GRIK2: variants seen among roughly 807,000 people sequenced by gnomAD.
GRIK2 encodes the protein glutamate receptor ionotropic, kainate 2.
A neutral mutation model predicts 100.3 loss-of-function variants in GRIK2; 32 were observed. The observed-to-expected ratio is 0.32, with a 90% CI of 0.24 to 0.43. The LOEUF (loss-of-function observed/expected upper bound fraction) is 0.43. GRIK2 is among the 20% of genes least tolerant of loss of function. The pLI is 1.00. For missense variants in GRIK2, 843 were observed against 1,114.9 expected (o/e 0.76, Z 3.47); for synonymous variants, 417 against 389.4 (o/e 1.07, Z -0.83).
intron 4 of GRIK2, among the ~76,000 whole-genome samples, chr6:101,632,797 A>C (rs1780825788): frequency 6.6e-6 from 1 of 151,998 alleles, no homozygotes; most frequent in South Asian, 2.1e-4. Flanking sequence ...ATAACACTAC[A>C]CTCTAGTGTA....
At chr6:101,845,028 TGTC>T (rs1399040469) in intron 10 of GRIK2, among the ~76,000 whole-genome samples, 2 of 151,782 alleles carry the variant, frequency 1.3e-5, no homozygotes, top group Non-Finnish European at 2.9e-5. Context: ...TTGTTGTTGT[TGTC>T]GTTTTGAGAC....
At chr6:101,649,124 A>G (rs546759720) in intron 4 of GRIK2, among the ~76,000 whole-genome samples, 30 of 152,088 alleles carry the variant, frequency 2.0e-4, no homozygotes, top group Non-Finnish European at 3.2e-4. Flanking sequence ...AAATGTTCTG[A>G]GTACTTACCA....
At chr6:102,067,148 G>A (rs1221020406) in intron 16 of GRIK2, among the ~76,000 whole-genome samples, 1 of 151,628 alleles carries the variant, frequency 6.6e-6, no homozygotes, top group Admixed American at 6.6e-5. Flanking sequence ...ATATAAAATT[G>A]TATGTATATA....
chr6:101,409,280 T>A (rs1775754637), intron 2 of GRIK2, among the ~76,000 whole-genome samples: 1 of 152,046 alleles, frequency 6.6e-6, no homozygotes, highest in African/African-American at 2.4e-5. Context: ...CTAGACAGGT[T>A]TGCAGCCTAG....
At chr6:101,801,734 G>C (rs1780683658) in intron 8 of GRIK2, among the ~76,000 whole-genome samples, 1 of 151,770 alleles carries the variant, frequency 6.6e-6, no homozygotes, top group Non-Finnish European at 1.5e-5. Flanking sequence ...TCACCTTTTA[G>C]GGTTGAACAT....
intron 14 of GRIK2, among the ~76,000 whole-genome samples, chr6:102,032,203 A>T (rs1770036145): frequency 6.6e-6 from 1 of 151,302 alleles, no homozygotes; most frequent in African/African-American, 2.4e-5. Context: ...AGACTGGAAG[A>T]TAGAGATGCC....
chr6:101,484,779 T>G (rs1772728838), intron 2 of GRIK2, among the ~76,000 whole-genome samples: 1 of 152,194 alleles, frequency 6.6e-6, no homozygotes. Flanking sequence ...TAGATTTTTT[T>G]CAATGATTCC....
At chr6:101,749,786 C>G (rs959330439) in intron 7 of GRIK2, among the ~76,000 whole-genome samples, 5 of 144,780 alleles carry the variant, frequency 3.5e-5, no homozygotes, top group African/African-American at 1.3e-4. Context: ...TTACTGAAAA[C>G]TTGTGTGTGC....
intron 2 of GRIK2, among the ~76,000 whole-genome samples, chr6:101,515,023 TTA>T (rs1774513454): frequency 6.6e-6 from 1 of 152,076 alleles, no homozygotes; most frequent in Admixed American, 6.6e-5. Flanking sequence ...TGCATCATAT[TTA>T]TAGTCTTTTA....
At chr6:102,046,069 A>T (rs1399036511) in intron 15 of GRIK2, among the ~76,000 whole-genome samples, 2 of 152,128 alleles carry the variant, frequency 1.3e-5, no homozygotes, top group African/African-American at 4.8e-5. Context: ...AGTTCAAGTG[A>T]AAAACATTTA....
chr6:101,688,673 A>C (rs968387050), intron 7 of GRIK2, among the ~76,000 whole-genome samples: 10 of 151,912 alleles, frequency 6.6e-5, no homozygotes, highest in African/African-American at 2.4e-4. Flanking sequence ...CTGATGAAAA[A>C]ATGTGTCTAT....
In GRIK2 at chr6:101,727,006, TG is replaced by T. The variant is rs1774916118; in HGVS notation, c.951+40654del. On this transcript the variant is annotated intron_variant, in intron 7 of 16. Transcript: ENST00000369134. ...ACAGATATTAATTTTTAACAATATT[TG>T]CCCTAACTTGCATTTTTCTCTTTGT... Among the ~76,000 whole-genome samples, 3 of 152,200 alleles carry T rather than the reference TG, an allele frequency of 2.0e-5. No individual in the cohort carries two copies. In the South Asian group the frequency reaches 6.2e-4, roughly 32 times the overall value.
intron 2 of GRIK2, among the ~76,000 whole-genome samples, chr6:101,427,384 T>A (rs1292647895): frequency 1.3e-5 from 2 of 152,230 alleles, no homozygotes; most frequent in African/African-American, 4.8e-5. Flanking sequence ...GTTACATATT[T>A]GTCTTCCCTT....
At chr6:101,420,022 T>C (rs1375518496) in intron 2 of GRIK2, among the ~76,000 whole-genome samples, 4 of 152,166 alleles carry the variant, frequency 2.6e-5, no homozygotes, top group Non-Finnish European at 4.4e-5. Flanking sequence ...CAGCCCAATG[T>C]GAAGATAATA....
At chr6:102,055,817 T>G (rs1458498557) in intron 16 of GRIK2, among the ~76,000 whole-genome samples, 1 of 152,048 alleles carries the variant, frequency 6.6e-6, no homozygotes, top group Non-Finnish European at 1.5e-5. Context: ...GTAGCCAGCT[T>G]CAGGAAAAAT....
Position 101,975,703 on chromosome 6 carries a change from GGTCAAGGTGGGCAGGTGGA to G in GRIK2, c.2085+47076_2085+47094del, listed in dbSNP as rs1277270032. 5.9e-5 allele frequency among the ~76,000 whole-genome samples: 9 copies of G among 152,002 alleles called. No individual in the cohort carries two copies. In the South Asian group the frequency reaches 1.9e-3, roughly 32 times the overall value. ...AAAGACCTAGTGTGCCAAAAATGAA[GGTCAAGGTGGGCAGGTGGA>G]GTCAGGTAGTTTTTAGGCCATTTAT... On this transcript the variant is annotated intron_variant, in intron 14 of 16. Transcript: ENST00000369134.
At chr6:101,747,699 G>A (rs17062439) in intron 7 of GRIK2, among the ~76,000 whole-genome samples, 5,771 of 152,036 alleles carry the variant, frequency 0.038, 204 homozygotes, top group East Asian at 0.12. Flanking sequence ...GACAATATTG[G>A]TAGATGCATC....
At chr6:101,754,930 G>T (rs1583079083) in intron 7 of GRIK2, among the ~76,000 whole-genome samples, 2 of 152,168 alleles carry the variant, frequency 1.3e-5, no homozygotes, top group Non-Finnish European at 2.9e-5. Flanking sequence ...GCTGGACTAT[G>T]AAGGGCCTCA....
At chr6:101,959,500 CTATCA>C (rs1792150570) in intron 14 of GRIK2, among the ~76,000 whole-genome samples, 1 of 152,064 alleles carries the variant, frequency 6.6e-6, no homozygotes, top group African/African-American at 2.4e-5. Context: ...AGCTAACAAT[CTATCA>C]ATATTGTTTA....
Sources: allele counts gnomAD v4.1 joint callset (sites outside exome capture counted in the v4.1 genomes callset), GRCh38; gene constraint gnomAD v4.1.1; transcripts MANE v1.5; gene names NCBI Gene and HGNC (gene_info 2026-07-23, HGNC 2026-07-21).